Variants in STC1 observed in about 807,000 individuals in gnomAD.
STC1 encodes the protein stanniocalcin 1, also known as stanniocalcin-1.
STC1 carries 7 observed loss-of-function variants against 22.6 expected under a neutral mutation model. That is an observed-to-expected ratio of 0.31 (90% CI 0.18 to 0.58). The LOEUF (loss-of-function observed/expected upper bound fraction) is 0.58. Among genes scored for constraint, STC1 ranks in the 20% least tolerant of loss-of-function variants. STC1 has a pLI of 0.89. For missense variants in STC1, 224 were observed against 311.0 expected (o/e 0.72, Z 2.10); for synonymous variants, 113 against 120.7 (o/e 0.94, Z 0.42).
Position 23,842,961 on chromosome 8 carries a change from A to C in STC1, c.*1809T>G. ...TTATGGTAAAGTTGTATTGCTTTTC[A>C]TTTTTCTGGAGATGTGCCCTCTCTC... On this transcript the variant is annotated 3_prime_UTR_variant, in exon 4 of 4. Transcript: ENST00000290271. 6.6e-6 allele frequency: 1 copy of C among 152,602 alleles called. No individual in the cohort carries two copies. The highest frequency in any genetic ancestry group is 1.9e-4 in the East Asian group (1 of 5,160). The allele number at this position is 152,602 out of a possible 1,614,324, so 9.5% of individuals were successfully genotyped here.
chr8:23,847,262 C>A (rs962527382), intron 3 of STC1, among the ~76,000 whole-genome samples: 1 of 152,216 alleles, frequency 6.6e-6, no homozygotes, highest in African/African-American at 2.4e-5. Context: ...AGCTTCAGGG[C>A]CATACATTTC....
chr8:23,849,501 G>A (rs772327632), intron 3 of STC1, among the ~76,000 whole-genome samples: 1 of 152,116 alleles, frequency 6.6e-6, no homozygotes, highest in African/African-American at 2.4e-5. Context: ...TTCTAAAGGT[G>A]TTGAAAATAA....
At position 23,851,597 on chromosome 8, in the gene STC1, A is replaced by T; in HGVS notation, c.262-66T>A. ...CCTGACAAAGAGGATGGGCATATAC[A>T]TGGAGGAATTTAAGGGGGCTCATCT... On this transcript the variant is annotated intron_variant, in intron 2 of 3. Coordinates refer to ENST00000290271, the MANE Select transcript of STC1 (RefSeq NM_003155.3). 3 of 1,498,812 alleles carry T rather than the reference A, an allele frequency of 2.0e-6. No homozygotes were observed. In the South Asian group the frequency reaches 3.5e-5, roughly 18 times the overall value. The allele number at this position is 1,498,812 out of a possible 1,614,324, so 92.8% of individuals were successfully genotyped here.
rs1285766528 is a variant in STC1 at position 23,854,716 on chromosome 8, C to T, written c.-193G>A. 1.9e-5 allele frequency: 13 copies of T among 676,928 alleles called. No homozygotes were observed. The highest frequency in any genetic ancestry group is 2.5e-4 in the Middle Eastern group (1 of 4,022). The allele number at this position is 676,928 out of a possible 1,614,324, so 41.9% of individuals were successfully genotyped here. A position where few individuals can be genotyped will look rare whatever the true frequency, so the allele number is the denominator to read the frequency against. On this transcript the variant is annotated 5_prime_UTR_variant, in exon 1 of 4. Transcript: ENST00000290271. The stretch of plus-strand genomic sequence containing the variant: ...GCCACCGGTGCCTCCGCTGCTGCTG[C>T]TGCTGCCGCCGCTGCTGCTGCTGCT...
At position 23,853,202 on chromosome 8, in the gene STC1, G is replaced by T. The variant is rs114523591; in HGVS notation, c.119-818C>A. Reference sequence around the variant, plus strand: ...GTAATTTTTCTCCCACAGAAGGGGGGTGTTCTGGCAGGCAGCTAGGCAAGG... The same window carrying T: ...GTAATTTTTCTCCCACAGAAGGGGGTTGTTCTGGCAGGCAGCTAGGCAAGG... On this transcript the variant is annotated intron_variant, in intron 1 of 3. Transcript: ENST00000290271. 4.5e-3 allele frequency among the ~76,000 whole-genome samples: 688 copies of T among 152,302 alleles called. 6 individuals are homozygous for T. The highest frequency in any genetic ancestry group is 0.016 in the African/African-American group (661 of 41,566).
intron 2 of STC1, 22 bp downstream of exon 2, chr8:23,852,220 G>A (rs953015301): frequency 5.6e-6 from 9 of 1,613,942 alleles, no homozygotes; most frequent in Non-Finnish European, 6.8e-6. Flanking sequence ...GCCAGTGGGA[G>A]CAGGGGTCAA....
Position 23,851,342 on chromosome 8 carries a change from G to C in STC1, c.451C>G (p.Leu151Val). 1 of 1,614,128 alleles carries C rather than the reference G, an allele frequency of 6.2e-7. No homozygotes were observed. The highest frequency in any genetic ancestry group is 8.5e-7 in the Non-Finnish European group (1 of 1,180,024). Reference sequence around the variant, plus strand: ...TACCTGTTGGAGAAGTGATTGGGCAGCTGGACGACCTCAGTGATGGCTTCA... The same window carrying C: ...TACCTGTTGGAGAAGTGATTGGGCACCTGGACGACCTCAGTGATGGCTTCA... Reference protein sequence around the residue: ...NPEAITEVVQLPNHFSNRYYN... With the variant: ...NPEAITEVVQVPNHFSNRYYN... The change falls in exon 3 of 4, where the codon CTG (leucine) becomes GTG (valine). Residue 151 changes from leucine to valine, a missense_variant. Coordinates refer to ENST00000290271, the MANE Select transcript of STC1 (RefSeq NM_003155.3).
At chr8:23,848,313 C>T (rs1384723772) in intron 3 of STC1, among the ~76,000 whole-genome samples, 2 of 151,988 alleles carry the variant, frequency 1.3e-5, no homozygotes, top group Non-Finnish European at 2.9e-5. Flanking sequence ...GGGTGGATCA[C>T]CTGAGGTCAG....
intron 3 of STC1, among the ~76,000 whole-genome samples, chr8:23,848,065 C>G (rs1024773509): frequency 6.6e-6 from 1 of 152,202 alleles, no homozygotes; most frequent in African/African-American, 2.4e-5. Context: ...AGCCTTTATT[C>G]TTTAATCAGT....
chr8:23,842,500 A>AG lies in STC1; in HGVS notation c.*2269_*2270insC. On this transcript the variant is annotated 3_prime_UTR_variant, in exon 4 of 4. Transcript: ENST00000290271. ...GGTCACAGCCAAAAAAAAAAAAAAA[A>AG]AAAAAGAAAAGAAAAAAGGAAATCT... 1.3e-5 allele frequency: 2 copies of AG among 152,076 alleles called. No homozygotes were observed. Among genetic ancestry groups the AG allele is most frequent in the East Asian group, 1.9e-4 (1 of 5,168 alleles). The allele number at this position is 152,076 out of a possible 1,614,324, so 9.4% of individuals were successfully genotyped here. A position where few individuals can be genotyped will look rare whatever the true frequency, so the allele number is the denominator to read the frequency against.
intron 3 of STC1, among the ~76,000 whole-genome samples, chr8:23,850,166 G>A (rs59221433): frequency 0.011 from 1,670 of 152,330 alleles, 35 homozygotes; most frequent in African/African-American, 0.037. Flanking sequence ...CCCTAAGGAG[G>A]AACTACTTTT....
chr8:23,852,230 A>G lies in STC1; in HGVS notation c.261+12T>C, dbSNP rs767333714. The stretch of plus-strand genomic sequence containing the variant: ...AAGCAGCCAGTGGGAGCAGGGGTCA[A>G]GGTTTTATTACCTGAGTGTCAAATT... On this transcript the variant is annotated intron_variant, in intron 2 of 3. Coordinates refer to ENST00000290271, the MANE Select transcript of STC1 (RefSeq NM_003155.3). 5.0e-6 allele frequency: 8 copies of G among 1,614,030 alleles called. No individual in the cohort carries two copies. In the Admixed American group the frequency reaches 1.2e-4, roughly 24 times the overall value.
chr8:23,843,848 AT>A lies in STC1; in HGVS notation c.*921del, dbSNP rs1802541997. The A allele has an allele frequency of 6.6e-6, 1 of 152,640 alleles. No individual in the cohort carries two copies. The highest frequency in any genetic ancestry group is 2.1e-4 in the South Asian group (1 of 4,832). 9.5% of individuals were successfully genotyped at this position (152,640 alleles called of 1,614,324 possible). A position where few individuals can be genotyped will look rare whatever the true frequency, so the allele number is the denominator to read the frequency against. Reference sequence around the variant, plus strand: ...TAAAACTACTTCTACCCCCTTAGTTATAAAAAAGGCCACAAGGAGCATTTAT... The same window carrying A: ...TAAAACTACTTCTACCCCCTTAGTTAAAAAAAGGCCACAAGGAGCATTTAT... On this transcript the variant is annotated 3_prime_UTR_variant, in exon 4 of 4. Transcript: ENST00000290271.
At position 23,854,541 on chromosome 8, in the gene STC1, C is replaced by T. The variant is rs199509202; in HGVS notation, c.-18G>A. ...TGGAGCATTCTCTGAGAAGTTTCCG[C>T]TAAGTTGTTGGGTTTTTTTTTTTTC... On this transcript the variant is annotated 5_prime_UTR_variant, in exon 1 of 4. Coordinates refer to ENST00000290271, the MANE Select transcript of STC1 (RefSeq NM_003155.3). 2.9e-3 allele frequency: 4,566 copies of T among 1,600,858 alleles called. 6 individuals carry two copies. Among genetic ancestry groups the T allele is most frequent in the Non-Finnish European group, 3.8e-3 (4,400 of 1,172,202 alleles).
intron 3 of STC1, among the ~76,000 whole-genome samples, chr8:23,849,586 C>T (rs753595834): frequency 4.6e-5 from 7 of 152,190 alleles, no homozygotes; most frequent in African/African-American, 7.2e-5. Flanking sequence ...GACCTCTAGT[C>T]GAGTAGCTAT....
At chr8:23,852,115 T>G in intron 2 of STC1, 127 bp downstream of exon 2, 9 of 1,058,490 alleles carry the variant, frequency 8.5e-6, no homozygotes, top group Middle Eastern at 2.4e-4. Flanking sequence ...CATGCTGAGA[T>G]GGGAATTTAG....
intron 3 of STC1, 119 bp from the exon 4 acceptor site, chr8:23,845,159 T>TA: frequency 1.9e-6 from 2 of 1,071,688 alleles, no homozygotes; most frequent in Non-Finnish European, 2.7e-6. Flanking sequence ...CAAACATCAA[T>TA]AGTTCATCAG....
In STC1 at chr8:23,854,556, T is replaced by G; in HGVS notation, c.-33A>C. The G allele has an allele frequency of 4.4e-6, 7 of 1,580,730 alleles. No homozygotes were observed. Among genetic ancestry groups the G allele is most frequent in the Non-Finnish European group, 6.1e-6 (7 of 1,151,654 alleles). On this transcript the variant is annotated 5_prime_UTR_variant, in exon 1 of 4. Coordinates refer to ENST00000290271, the MANE Select transcript of STC1 (RefSeq NM_003155.3). The stretch of plus-strand genomic sequence containing the variant: ...GAAGTTTCCGCTAAGTTGTTGGGTT[T>G]TTTTTTTTTCCTGCCCCCCTTTCCT...
In STC1 at chr8:23,851,572, C is replaced by A. The variant is rs777009277; in HGVS notation, c.262-41G>T. On this transcript the variant is annotated intron_variant, in intron 2 of 3. Transcript: ENST00000290271. Reference sequence around the variant, plus strand: ...GACAAGAGGGAGGTCTTTAGCTTGACCTGACAAAGAGGATGGGCATATACA... The same window carrying A: ...GACAAGAGGGAGGTCTTTAGCTTGAACTGACAAAGAGGATGGGCATATACA... The A allele has an allele frequency of 8.8e-6, 14 of 1,598,146 alleles. No individual in the cohort carries two copies. The Admixed American group carries it at 2.4e-4, about 27-fold the overall frequency.
Sources: gnomAD v4.1 joint callset for allele counts (sites outside exome capture counted in the v4.1 genomes callset) on GRCh38, gnomAD v4.1.1 for gene constraint, MANE v1.5 for transcripts, NCBI Gene and HGNC (gene_info 2026-07-23, HGNC 2026-07-21) for gene names.